The following FHIT variants were observed in gnomAD, a reference collection of about 807,000 sequenced individuals.
FHIT encodes the protein bis(5'-adenosyl)-triphosphatase.
In FHIT, 19 loss-of-function variants were observed where a neutral mutation model predicts 17.9. That is an observed-to-expected ratio of 1.06 (90% confidence interval 0.74 to 1.56). The LOEUF (loss-of-function observed/expected upper bound fraction) is 1.56, where lower values mean the gene tolerates loss of function less well. FHIT is among the 40% of genes most tolerant of loss of function. FHIT has a pLI of 0.00. For synonymous variants in FHIT, 81 were observed against 69.7 expected (o/e 1.16, Z -0.81); for missense variants, 248 against 189.2 (o/e 1.31, Z -1.82).
intron 5 of FHIT, among the ~76,000 whole-genome samples, chr3:60,196,936 T>G (rs757520548): frequency 2.0e-5 from 3 of 152,074 alleles, no homozygotes; most frequent in Non-Finnish European, 2.9e-5. Context: ...CACAGGTAAG[T>G]ACATACAGCC....
chr3:60,401,397 A>C (rs1020900381), intron 5 of FHIT, among the ~76,000 whole-genome samples: 3 of 152,076 alleles, frequency 2.0e-5, no homozygotes, highest in African/African-American at 7.2e-5. Flanking sequence ...CCTCTGACTT[A>C]CTGTTAGGTT....
At chr3:60,332,603 TG>T (rs931256767) in intron 5 of FHIT, among the ~76,000 whole-genome samples, 21 of 152,176 alleles carry the variant, frequency 1.4e-4, no homozygotes, top group African/African-American at 4.8e-4. Flanking sequence ...GTGGAACCTG[TG>T]GGAACCTCCA....
intron 5 of FHIT, among the ~76,000 whole-genome samples, chr3:60,149,509 G>A (rs528395568): frequency 2.6e-5 from 4 of 152,028 alleles, no homozygotes; most frequent in Non-Finnish European, 4.4e-5. Context: ...AAATATATCT[G>A]CCATTAAACC....
At chr3:60,242,204 A>C (rs1055337207) in intron 5 of FHIT, among the ~76,000 whole-genome samples, 2 of 152,150 alleles carry the variant, frequency 1.3e-5, no homozygotes, top group Admixed American at 6.6e-5. Context: ...ACAATCTTAC[A>C]GCATCACATG....
intron 8 of FHIT, among the ~76,000 whole-genome samples, chr3:59,780,219 G>A (rs943681007): frequency 1.3e-5 from 2 of 152,186 alleles, no homozygotes; most frequent in African/African-American, 4.8e-5. Context: ...ATGCTAAGGT[G>A]AGAACTCACC....
chr3:60,191,160 T>C (rs532507147), intron 5 of FHIT, among the ~76,000 whole-genome samples: 1 of 152,058 alleles, frequency 6.6e-6, no homozygotes, highest in South Asian at 2.1e-4. Flanking sequence ...CAGCCAGCAA[T>C]GATCAAGAAA....
chr3:60,424,383 G>A (rs566203536), intron 5 of FHIT, among the ~76,000 whole-genome samples: 18 of 152,194 alleles, frequency 1.2e-4, no homozygotes, highest in African/African-American at 4.1e-4. Context: ...TTAGATACAG[G>A]GAGATAAAGA....
rs906014822 is a variant in FHIT at position 60,981,430 on chromosome 3, G to A, written c.-111+60617C>T. Among the ~76,000 whole-genome samples, 6 of 150,596 alleles carry A rather than the reference G, an allele frequency of 4.0e-5. No homozygotes were observed. In the East Asian group the frequency reaches 6.0e-4, roughly 15 times the overall value. On this transcript the variant is annotated intron_variant, in intron 3 of 9. Transcript: ENST00000492590. ...AGCAATTCTCCTGCCTCAGCCTCCC[G>A]AGTAGCTGGGACTACAGGTGCACGC...
chr3:59,985,868 C>G lies in FHIT; in HGVS notation c.279+25503G>C, dbSNP rs530165691. On this transcript the variant is annotated intron_variant, in intron 7 of 9. Coordinates refer to ENST00000492590, the MANE Select transcript of FHIT (RefSeq NM_002012.4). ...ATGACTGGCCTTCCAGAACTGGGTA[C>G]TGGAAATGAAACCTACTTGACACTT... 5.9e-5 allele frequency among the ~76,000 whole-genome samples: 9 copies of G among 152,050 alleles called. No individual in the cohort carries two copies. In the South Asian group the frequency reaches 1.9e-3, roughly 32 times the overall value.
chr3:60,353,847 G>A (rs563757121), intron 5 of FHIT, among the ~76,000 whole-genome samples: 1 of 152,192 alleles, frequency 6.6e-6, no homozygotes, highest in South Asian at 2.1e-4. Context: ...TTTATAAGAA[G>A]TGTGTAAAGA....
At chr3:60,487,153 GGC>G (rs1215483313) in intron 5 of FHIT, among the ~76,000 whole-genome samples, 6 of 152,148 alleles carry the variant, frequency 3.9e-5, no homozygotes, top group Non-Finnish European at 8.8e-5. Context: ...GCAAGAACCT[GGC>G]TAGTAAGGGA....
intron 6 of FHIT, among the ~76,000 whole-genome samples, chr3:60,012,666 T>C (rs1700188163): frequency 6.6e-6 from 1 of 152,180 alleles, no homozygotes; most frequent in Non-Finnish European, 1.5e-5. Context: ...TATAGGCATA[T>C]GCATATATTT....
chr3:60,498,260 A>C (rs554240580), intron 5 of FHIT, among the ~76,000 whole-genome samples: 6 of 152,322 alleles, frequency 3.9e-5, no homozygotes, highest in Admixed American at 2.6e-4. Context: ...TCAGTGTAAA[A>C]ATTTTGTACT....
At chr3:61,114,947 C>A (rs372466804) in intron 2 of FHIT, among the ~76,000 whole-genome samples, 8 of 152,154 alleles carry the variant, frequency 5.3e-5, no homozygotes, top group African/African-American at 1.9e-4. Flanking sequence ...TTGATCCAAG[C>A]AACTTTGAGC....
At chr3:60,756,198 C>CCTTGTG (rs782156601) in intron 4 of FHIT, among the ~76,000 whole-genome samples, 5 of 152,210 alleles carry the variant, frequency 3.3e-5, no homozygotes, top group African/African-American at 4.8e-5. Flanking sequence ...AGAGAGAGCA[C>CCTTGTG]CTTGTGGCTT....
chr3:60,493,905 G>T (rs777306514), intron 5 of FHIT, among the ~76,000 whole-genome samples: 1 of 152,106 alleles, frequency 6.6e-6, no homozygotes, highest in African/African-American at 2.4e-5. Context: ...AATATGAATA[G>T]CTCAGAAAAA....
chr3:60,298,803 G>A (rs1048086058), intron 5 of FHIT, among the ~76,000 whole-genome samples: 1 of 152,096 alleles, frequency 6.6e-6, no homozygotes, highest in African/African-American at 2.4e-5. Context: ...AGCTGTTAGA[G>A]CTTTAAATCA....
chr3:60,317,745 G>A (rs1709229513), intron 5 of FHIT, among the ~76,000 whole-genome samples: 1 of 149,082 alleles, frequency 6.7e-6, no homozygotes, highest in Non-Finnish European at 1.5e-5. Flanking sequence ...CTCTAGTACT[G>A]GGAAGTACTA....
intron 5 of FHIT, among the ~76,000 whole-genome samples, chr3:60,183,240 A>C (rs774402377): frequency 3.2e-4 from 49 of 152,054 alleles, no homozygotes; most frequent in Non-Finnish European, 6.2e-4. Context: ...TCTACTAAAA[A>C]TACAAAAATT....
Sources: gnomAD v4.1 joint callset for allele counts (sites outside exome capture counted in the v4.1 genomes callset) on GRCh38, gnomAD v4.1.1 for gene constraint, MANE v1.5 for transcripts, NCBI Gene and HGNC (gene_info 2026-07-23, HGNC 2026-07-21) for gene names.